The following KCNIP4 variants were observed in gnomAD, a reference collection of about 807,000 sequenced individuals.
KCNIP4 encodes Kv channel-interacting protein 4.
KCNIP4 carries 12 observed loss-of-function variants against 34.0 expected under a neutral mutation model. The ratio of observed to expected loss-of-function variants is 0.35; its 90% CI spans 0.23 to 0.57. The LOEUF (loss-of-function observed/expected upper bound fraction) is 0.57. Among genes scored for constraint, KCNIP4 ranks in the 20% least tolerant of loss-of-function variants. The pLI, the probability that KCNIP4 is intolerant of heterozygous loss-of-function variation, is 0.83. For missense variants in KCNIP4, 238 were observed against 311.7 expected (o/e 0.76, Z 1.78); for synonymous variants, 124 against 102.2 (o/e 1.21, Z -1.29).
At chr4:21,235,395 C>T (rs183542592) in intron 1 of KCNIP4, among the ~76,000 whole-genome samples, 1 of 152,208 alleles carries the variant, frequency 6.6e-6, no homozygotes, top group East Asian at 1.9e-4. Context: ...TTCTAGTTAC[C>T]TCAGCCTTCT....
intron 1 of KCNIP4, among the ~76,000 whole-genome samples, chr4:21,418,917 T>C (rs1431885840): frequency 6.6e-6 from 1 of 152,162 alleles, no homozygotes; most frequent in Non-Finnish European, 1.5e-5. Flanking sequence ...GGTTGTAAAG[T>C]AGAATGAGAT....
At chr4:21,242,213 T>A (rs1474604578) in intron 1 of KCNIP4, among the ~76,000 whole-genome samples, 1 of 147,832 alleles carries the variant, frequency 6.8e-6, no homozygotes. Flanking sequence ...TCCTTAACTC[T>A]CAGGGTTGTT....
intron 1 of KCNIP4, among the ~76,000 whole-genome samples, chr4:21,079,781 G>T (rs370974139): frequency 6.6e-6 from 1 of 151,724 alleles, no homozygotes; most frequent in African/African-American, 2.4e-5. Context: ...AAAAAGGGAG[G>T]CAGGAGAGTC....
chr4:20,922,547 G>GTCTGTCTGTCTGTCTGTCTA (rs373186954), intron 1 of KCNIP4, among the ~76,000 whole-genome samples: 1,872 of 129,452 alleles, frequency 0.014, 24 homozygotes, highest in Middle Eastern at 0.028. Context: ...CTGTCTGTCT[G>GTCTGTCTGTCTGTCTGTCTA]TCTATCTATC....
At chr4:21,584,748 A>G (rs1325276735) in intron 1 of KCNIP4, among the ~76,000 whole-genome samples, 1 of 152,024 alleles carries the variant, frequency 6.6e-6, no homozygotes, top group African/African-American at 2.4e-5. Context: ...TCTTTCCACT[A>G]CACTTTAGTG....
intron 1 of KCNIP4, among the ~76,000 whole-genome samples, chr4:21,390,253 G>C (rs967551601): frequency 2.0e-5 from 3 of 152,112 alleles, no homozygotes; most frequent in Non-Finnish European, 2.9e-5. Context: ...TCTATAGGTT[G>C]CCTGTTCACT....
rs573894841 is a variant in KCNIP4, at chr4:20,865,903, CAGTA to C, written c.164-15240_164-15237del. On this transcript the variant is annotated intron_variant, in intron 2 of 8. Transcript: ENST00000382152. ...ATGAACATGTTAATTTGCTTGACTA[CAGTA>C]AGTGTTTCACCATCTATATGTACAT... Among the ~76,000 whole-genome samples, 35 of 152,112 alleles carry C rather than the reference CAGTA, an allele frequency of 2.3e-4. No homozygotes were observed. The South Asian group carries it at 7.0e-3, about 31-fold the overall frequency.
intron 1 of KCNIP4, among the ~76,000 whole-genome samples, chr4:21,516,145 C>T (rs1180428106): frequency 6.6e-6 from 1 of 152,168 alleles, no homozygotes; most frequent in Non-Finnish European, 1.5e-5. Context: ...GAGCAAAGTG[C>T]TATGAGAAGC....
Position 21,864,301 on chromosome 4 carries a change from G to T in KCNIP4, c.61+84270C>A, listed in dbSNP as rs144816848. Among the ~76,000 whole-genome samples, 340 of 152,218 alleles carry T rather than the reference G, an allele frequency of 2.2e-3. 1 individual carries two copies. The highest frequency in any genetic ancestry group is 7.8e-3 in the African/African-American group (325 of 41,534). ...TTTATAAGCAAGGGAAACACAATAG[G>T]TAACATAGATTATTTTATTTATTAT... On this transcript the variant is annotated intron_variant, in intron 1 of 8. Coordinates refer to ENST00000382152, the MANE Select transcript of KCNIP4 (RefSeq NM_025221.6).
At chr4:21,413,313 A>T (rs1185826017) in intron 1 of KCNIP4, among the ~76,000 whole-genome samples, 1 of 152,196 alleles carries the variant, frequency 6.6e-6, no homozygotes, top group Admixed American at 6.5e-5. Flanking sequence ...TCATCGAGAA[A>T]TGGCCATGGA....
intron 4 of KCNIP4, among the ~76,000 whole-genome samples, chr4:20,757,608 C>T (rs147379075): frequency 5.6e-4 from 85 of 152,284 alleles, no homozygotes; most frequent in African/African-American, 1.8e-3. Context: ...CCTTTGTTTA[C>T]ACCCCATTTG....
At chr4:21,106,273 C>A (rs541372729) in intron 1 of KCNIP4, among the ~76,000 whole-genome samples, 2 of 151,632 alleles carry the variant, frequency 1.3e-5, no homozygotes, top group Non-Finnish European at 2.9e-5. Flanking sequence ...AATTTCAGAG[C>A]CTCTTATTGA....
chr4:20,873,734 T>A (rs987026810), intron 2 of KCNIP4, among the ~76,000 whole-genome samples: 3 of 152,186 alleles, frequency 2.0e-5, no homozygotes, highest in African/African-American at 7.2e-5. Context: ...AAATCACTCC[T>A]CAACTTAAAA....
intron 1 of KCNIP4, among the ~76,000 whole-genome samples, chr4:21,768,309 GCTCT>G (rs765209270): frequency 6.6e-6 from 1 of 151,952 alleles, no homozygotes; most frequent in African/African-American, 2.4e-5. Flanking sequence ...TATAGATTCT[GCTCT>G]CTCTCTAAAC....
At chr4:21,072,710 A>T (rs533729523) in intron 1 of KCNIP4, among the ~76,000 whole-genome samples, 2 of 152,224 alleles carry the variant, frequency 1.3e-5, no homozygotes, top group African/African-American at 4.8e-5. Flanking sequence ...TTAAACATGA[A>T]GTCCTTGCCC....
chr4:21,775,380 C>T (rs1182404164), intron 1 of KCNIP4, among the ~76,000 whole-genome samples: 2 of 152,148 alleles, frequency 1.3e-5, no homozygotes, highest in Non-Finnish European at 2.9e-5. Context: ...CAACCTGATG[C>T]CAGCAGGATT....
chr4:21,238,472 T>C (rs536182119), intron 1 of KCNIP4, among the ~76,000 whole-genome samples: 5 of 152,316 alleles, frequency 3.3e-5, no homozygotes, highest in African/African-American at 1.2e-4. Flanking sequence ...ATTGTATATC[T>C]AGAAAACCTC....
intron 1 of KCNIP4, among the ~76,000 whole-genome samples, chr4:21,198,300 C>A (rs1756202816): frequency 2.0e-5 from 3 of 152,162 alleles, no homozygotes; most frequent in South Asian, 4.1e-4. Context: ...ACCTCTAGAG[C>A]CACTGCTAGC....
intron 1 of KCNIP4, among the ~76,000 whole-genome samples, chr4:21,615,204 A>T (rs1744492820): frequency 6.6e-6 from 1 of 152,164 alleles, no homozygotes; most frequent in Non-Finnish European, 1.5e-5. Flanking sequence ...AAAGAAAAAA[A>T]TAATGATTAG....
Sources: gnomAD v4.1 joint callset for allele counts (sites outside exome capture counted in the v4.1 genomes callset) on GRCh38, gnomAD v4.1.1 for gene constraint, MANE v1.5 for transcripts, NCBI Gene and HGNC (gene_info 2026-07-23, HGNC 2026-07-21) for gene names.